Variants in CTNNBL1 observed in about 807,000 individuals in gnomAD.
The protein encoded by CTNNBL1 is catenin beta like 1.
CTNNBL1 carries 31 observed loss-of-function variants against 72.7 expected under a neutral mutation model. The observed-to-expected ratio is 0.43, with a 90% CI of 0.32 to 0.58. The LOEUF (loss-of-function observed/expected upper bound fraction) is 0.58. Ranked by LOEUF, CTNNBL1 falls within the 20% of genes least tolerant of loss-of-function variation. The pLI is 0.08. For missense variants in CTNNBL1, 534 were observed against 725.1 expected (o/e 0.74, Z 3.03); for synonymous variants, 240 against 267.3 (o/e 0.90, Z 1.00).
chr20:37,833,366 G>A (rs2072227663), intron 11 of CTNNBL1, among the ~76,000 whole-genome samples: 1 of 152,180 alleles, frequency 6.6e-6, no homozygotes, highest in African/African-American at 2.4e-5. Context: ...CCCTCCAGGC[G>A]GTTTCAGTAG....
intron 1 of CTNNBL1, among the ~76,000 whole-genome samples, chr20:37,714,314 A>G (rs1189015793): frequency 6.6e-6 from 1 of 152,240 alleles, no homozygotes; most frequent in African/African-American, 2.4e-5. Context: ...GGGTGAATGA[A>G]TGAAGCAGTG....
At chr20:37,734,624 A>G (rs1222781873) in intron 2 of CTNNBL1, among the ~76,000 whole-genome samples, 1 of 152,246 alleles carries the variant, frequency 6.6e-6, no homozygotes, top group Admixed American at 6.5e-5. Context: ...ATGGAAGGCT[A>G]CAAGTCCAGG....
rs115902048 is a variant in CTNNBL1 at position 37,784,755 on chromosome 20, G to T, written c.1031+5420G>T. Among the ~76,000 whole-genome samples the T allele has an allele frequency of 4.2e-3, 640 of 152,222 alleles. 5 individuals are homozygous for T. Among genetic ancestry groups the T allele is most frequent in the African/African-American group, 0.015 (604 of 41,530 alleles). On this transcript the variant is annotated intron_variant, in intron 10 of 15. Coordinates refer to ENST00000361383, the MANE Select transcript of CTNNBL1 (RefSeq NM_030877.5). ...TCATCTTTTAGTCTTTCTGCTCAAGGTATGTGTAGTTTATACGCCACAATT... is the reference window on the plus strand; with the variant it reads ...TCATCTTTTAGTCTTTCTGCTCAAGTTATGTGTAGTTTATACGCCACAATT...
chr20:37,733,156 A>G, intron 2 of CTNNBL1, 89 bp downstream of exon 2: 1 of 1,128,058 alleles, frequency 8.9e-7, no homozygotes, highest in Non-Finnish European at 1.3e-6. Flanking sequence ...TGAGCTTCCC[A>G]TCTTCATCTG....
intron 10 of CTNNBL1, among the ~76,000 whole-genome samples, chr20:37,783,963 A>G (rs1019428656): frequency 1.3e-5 from 2 of 152,206 alleles, no homozygotes; most frequent in Admixed American, 6.5e-5. Flanking sequence ...TGAAGTCTCC[A>G]GCTTTTATTG....
chr20:37,716,050 G>T (rs2122567019), intron 1 of CTNNBL1, among the ~76,000 whole-genome samples: 1 of 151,762 alleles, frequency 6.6e-6, no homozygotes, highest in African/African-American at 2.4e-5. Flanking sequence ...CCCTAAGCCT[G>T]CCAAGCTTCA....
At chr20:37,801,817 C>A (rs1247151789) in intron 10 of CTNNBL1, among the ~76,000 whole-genome samples, 1 of 152,192 alleles carries the variant, frequency 6.6e-6, no homozygotes, top group Non-Finnish European at 1.5e-5. Flanking sequence ...ACTCTCATCA[C>A]TGCTATTGGG....
chr20:37,850,986 G>C (rs73904790), intron 13 of CTNNBL1, among the ~76,000 whole-genome samples: 2,005 of 152,304 alleles, frequency 0.013, 38 homozygotes, highest in African/African-American at 0.046. Context: ...CTTGCGACTT[G>C]ACTGCTGAAA....
At chr20:37,864,452 G>A (rs1043820505) in intron 15 of CTNNBL1, among the ~76,000 whole-genome samples, 12 of 152,154 alleles carry the variant, frequency 7.9e-5, no homozygotes, top group African/African-American at 2.4e-4. Flanking sequence ...CAAGCCCAGC[G>A]GGGGACTTTT....
At chr20:37,741,766 G>A (rs141976664) in intron 3 of CTNNBL1, among the ~76,000 whole-genome samples, 1,593 of 152,294 alleles carry the variant, frequency 0.01, 34 homozygotes, top group African/African-American at 0.037. Context: ...CCCAAGTCCA[G>A]CATTTCTCAC....
At chr20:37,852,974 A>C (rs1342798941) in intron 13 of CTNNBL1, among the ~76,000 whole-genome samples, 2 of 152,320 alleles carry the variant, frequency 1.3e-5, no homozygotes, top group East Asian at 3.9e-4. Context: ...TGGCAGAGGA[A>C]CTTATTTGTA....
At chr20:37,813,749 A>G (rs2072031475) in intron 11 of CTNNBL1, among the ~76,000 whole-genome samples, 1 of 152,224 alleles carries the variant, frequency 6.6e-6, no homozygotes, top group Non-Finnish European at 1.5e-5. Context: ...TATCTCTTTT[A>G]TAGATAAAAC....
At chr20:37,841,832 A>T (rs1038276609) in intron 12 of CTNNBL1, among the ~76,000 whole-genome samples, 2 of 152,140 alleles carry the variant, frequency 1.3e-5, no homozygotes, top group Admixed American at 1.3e-4. Context: ...TTGCTGAAGG[A>T]GGTTTTCTTG....
At chr20:37,741,958 C>T (rs1429641280) in intron 3 of CTNNBL1, among the ~76,000 whole-genome samples, 4 of 152,070 alleles carry the variant, frequency 2.6e-5, no homozygotes, top group Admixed American at 2.6e-4. Flanking sequence ...CTGAGAAGCA[C>T]AGTCTATTCT....
At chr20:37,785,861 G>T (rs1320889834) in intron 10 of CTNNBL1, among the ~76,000 whole-genome samples, 1 of 152,096 alleles carries the variant, frequency 6.6e-6, no homozygotes, top group Admixed American at 6.6e-5. Flanking sequence ...TGCAGTCTGG[G>T]CTTGTTTGTA....
intron 15 of CTNNBL1, among the ~76,000 whole-genome samples, chr20:37,865,430 G>C (rs552317618): frequency 6.6e-6 from 1 of 152,100 alleles, no homozygotes; most frequent in Non-Finnish European, 1.5e-5. Context: ...ATAATTTATC[G>C]TTTTGACTAT....
At chr20:37,738,912 T>C (rs1490467576) in intron 3 of CTNNBL1, among the ~76,000 whole-genome samples, 1 of 152,208 alleles carries the variant, frequency 6.6e-6, no homozygotes, top group African/African-American at 2.4e-5. Context: ...TCAACTATGT[T>C]GTCCCTGTGC....
rs536942050 is a variant in CTNNBL1 at position 37,858,250 on chromosome 20, C to T, written c.1393-1649C>T. 2.0e-5 allele frequency among the ~76,000 whole-genome samples: 3 copies of T among 152,312 alleles called. No homozygotes were observed. In the South Asian group the frequency reaches 6.2e-4, roughly 32 times the overall value. On this transcript the variant is annotated intron_variant, in intron 13 of 15. Transcript: ENST00000361383. ...TTTTTTCCTCTCATTGTCTCATTGGCTGCATAGATGTGTACTGAGCTAGGG... is the reference window on the plus strand; with the variant it reads ...TTTTTTCCTCTCATTGTCTCATTGGTTGCATAGATGTGTACTGAGCTAGGG...
At chr20:37,840,249 T>G in intron 12 of CTNNBL1, 50 bp downstream of exon 12, 1 of 1,346,324 alleles carries the variant, frequency 7.4e-7, no homozygotes, top group South Asian at 1.2e-5. Flanking sequence ...ATAGAAAGGC[T>G]CTTTACCTGA....
Sources: allele counts gnomAD v4.1 joint callset (sites outside exome capture counted in the v4.1 genomes callset), GRCh38; gene constraint gnomAD v4.1.1; transcripts MANE v1.5; gene names NCBI Gene and HGNC (gene_info 2026-07-23, HGNC 2026-07-21).